NEURL1B: variants seen among roughly 807,000 people sequenced by gnomAD.
The protein encoded by NEURL1B is E3 ubiquitin-protein ligase NEURL1B.
Under a neutral mutation model 37.4 loss-of-function variants are expected in NEURL1B, and 13 were observed. That is an observed-to-expected ratio of 0.35 (90% confidence interval 0.23 to 0.55). The LOEUF is 0.55. NEURL1B is among the 20% of genes least tolerant of loss of function. NEURL1B has a pLI of 0.89. For synonymous variants in NEURL1B, 432 were observed against 426.6 expected (o/e 1.01, Z -0.16); for missense variants, 790 against 879.2 (o/e 0.90, Z 1.28).
Position 172,684,029 on chromosome 5 carries a change from G to A in NEURL1B, c.1188G>A (p.Leu396=). The change falls in exon 3 of 5, where the codon CTG becomes CTA. Residue 396 remains leucine, a synonymous_variant. Transcript: ENST00000369800. ...FTLRPGGDVL[L]GINGRPRGRL... is the part of the protein sequence containing the mutation. Reference sequence around the variant, plus strand: ...TGCGGCCCGGCGGCGACGTGCTCCTGGGCATCAACGGGCGTCCGCGCGGCC... The same window carrying A: ...TGCGGCCCGGCGGCGACGTGCTCCTAGGCATCAACGGGCGTCCGCGCGGCC... The A allele has an allele frequency of 7.5e-7, 1 of 1,337,252 alleles. No individual in the cohort carries two copies. The highest frequency in any genetic ancestry group is 3.5e-5 in the Admixed American group (1 of 28,474). The allele number at this position is 1,337,252 out of a possible 1,614,324, so 82.8% of individuals were successfully genotyped here.
intron 1 of NEURL1B, among the ~76,000 whole-genome samples, chr5:172,659,539 G>A (rs760757119): frequency 6.6e-6 from 1 of 152,188 alleles, no homozygotes; most frequent in East Asian, 1.9e-4. Flanking sequence ...TCTTACTCCT[G>A]CCACGCTGGG....
At chr5:172,678,768 A>G (rs988375748) in intron 2 of NEURL1B, among the ~76,000 whole-genome samples, 4 of 152,166 alleles carry the variant, frequency 2.6e-5, no homozygotes, top group African/African-American at 7.2e-5. Context: ...CCTCTAGTAC[A>G]TGGCCCGAGT....
chr5:172,650,149 T>G (rs1244651474), intron 1 of NEURL1B, among the ~76,000 whole-genome samples: 3 of 152,234 alleles, frequency 2.0e-5, no homozygotes, highest in Admixed American at 2.0e-4. Flanking sequence ...TTTTCTTTCC[T>G]TTTGCTACAA....
chr5:172,643,531 G>A (rs974725421), intron 1 of NEURL1B, among the ~76,000 whole-genome samples: 2 of 152,010 alleles, frequency 1.3e-5, no homozygotes, highest in Non-Finnish European at 2.9e-5. Context: ...CCTGCTCATC[G>A]TTGCAATGAC....
chr5:172,671,674 A>G (rs1758132087), intron 2 of NEURL1B, among the ~76,000 whole-genome samples: 1 of 152,374 alleles, frequency 6.6e-6, no homozygotes. Flanking sequence ...GTAGTAGCCC[A>G]TGAACTGGAT....
At chr5:172,666,835 C>T (rs1487414109) in intron 1 of NEURL1B, among the ~76,000 whole-genome samples, 1 of 152,102 alleles carries the variant, frequency 6.6e-6, no homozygotes, top group Non-Finnish European at 1.5e-5. Context: ...GGAGGCCTGG[C>T]CAGAAGAGCC....
intron 1 of NEURL1B, chr5:172,656,556 A>T: frequency 6.2e-7 from 1 of 1,611,120 alleles, no homozygotes; most frequent in East Asian, 2.2e-5. Flanking sequence ...ACCTATGGCC[A>T]AGAGCCCCTT....
chr5:172,663,829 T>TTTTTTTTTA (rs138220033), intron 1 of NEURL1B, among the ~76,000 whole-genome samples: 16 of 140,846 alleles, frequency 1.1e-4, no homozygotes, highest in South Asian at 4.7e-4. Flanking sequence ...GTTTTATTTG[T>TTTTTTTTTA]TTATTATTAT....
Position 172,686,550 on chromosome 5 carries a change from CT to C in NEURL1B, c.1424-130del. On this transcript the variant is annotated intron_variant, in intron 4 of 4. Coordinates refer to ENST00000369800, the MANE Select transcript of NEURL1B (RefSeq NM_001142651.3). This position sits in a 1 kb window ranked among gnomAD's most constrained non-coding sequence, Gnocchi z 7.9. The stretch of plus-strand genomic sequence containing the variant: ...AAAGGTGCAAAACCTGCAAGGTAAA[CT>C]CAAATTAGTATCTCCCAAAAGTATT... The C allele has an allele frequency of 8.8e-7, 1 of 1,138,248 alleles. No individual in the cohort carries two copies. Among genetic ancestry groups the C allele is most frequent in the Non-Finnish European group, 1.2e-6 (1 of 813,944 alleles). The allele number at this position is 1,138,248 out of a possible 1,614,324, so 70.5% of individuals were successfully genotyped here.
intron 1 of NEURL1B, among the ~76,000 whole-genome samples, chr5:172,655,654 G>C (rs1357311658): frequency 6.6e-6 from 1 of 151,880 alleles, no homozygotes; most frequent in Non-Finnish European, 1.5e-5. Flanking sequence ...CACGGCTGCT[G>C]CTTCCTTGGT....
chr5:172,680,558 G>T (rs180967142), intron 2 of NEURL1B, among the ~76,000 whole-genome samples: 12 of 152,328 alleles, frequency 7.9e-5, no homozygotes, highest in African/African-American at 2.9e-4. Flanking sequence ...TTCAAAAAAA[G>T]TGCTTGTTTT....
rs1758086949 is a variant in NEURL1B, at chr5:172,669,862, G to A, written c.109G>A (p.Glu37Lys). The A allele has an allele frequency of 7.2e-7, 1 of 1,393,040 alleles. No individual in the cohort carries two copies. The highest frequency in any genetic ancestry group is 9.3e-7 in the Non-Finnish European group (1 of 1,072,796). 86.3% of individuals were successfully genotyped at this position (1,393,040 alleles called of 1,614,324 possible). ...PGPERRPVLG[E>K]APRFHAQAKG... ...CCCCGAGCGACGCCCGGTCCTGGGC[G>A]AGGCGCCGCGCTTCCACGCGCAGGC... Residue 37 changes from glutamate (E) to lysine (K), a missense_variant, in exon 2 of 5, where the codon GAG becomes AAG. Glu to Lys is a moderately conservative substitution (Grantham distance 56). Transcript: ENST00000369800.
chr5:172,674,323 G>C (rs76597883), intron 2 of NEURL1B, among the ~76,000 whole-genome samples: 6,310 of 151,914 alleles, frequency 0.042, 441 homozygotes, highest in African/African-American at 0.14. Context: ...TTGCCTGGTG[G>C]AACTTTGAGC....
rs1757856887 is a variant in NEURL1B, at chr5:172,659,540, C to T, written c.32-10245C>T. ...AACCTGGACTGTTTTCTTACTCCTGCCACGCTGGGTCACTTTGACTGGCAT... is the reference window on the plus strand; with the variant it reads ...AACCTGGACTGTTTTCTTACTCCTGTCACGCTGGGTCACTTTGACTGGCAT... On this transcript the variant is annotated intron_variant, in intron 1 of 4. Coordinates refer to ENST00000369800, the MANE Select transcript of NEURL1B (RefSeq NM_001142651.3). 2.6e-5 allele frequency among the ~76,000 whole-genome samples: 4 copies of T among 152,300 alleles called. No homozygotes were observed. The South Asian group carries it at 8.3e-4, about 32-fold the overall frequency.
chr5:172,663,069 C>T (rs1417416543), intron 1 of NEURL1B, among the ~76,000 whole-genome samples: 1 of 94,012 alleles, frequency 1.1e-5, no homozygotes, highest in Non-Finnish European at 2.1e-5. Context: ...ATAATAATAG[C>T]CGGGTGTGGT....
chr5:172,654,569 CTAT>C (rs545220870), intron 1 of NEURL1B, among the ~76,000 whole-genome samples: 1 of 105,706 alleles, frequency 9.5e-6, no homozygotes, highest in Non-Finnish European at 1.8e-5. Context: ...TTGAGTTAAA[CTAT>C]TTTTTTTTTT....
chr5:172,660,450 G>A (rs1335220538), intron 1 of NEURL1B, among the ~76,000 whole-genome samples: 1 of 152,130 alleles, frequency 6.6e-6, no homozygotes, highest in Non-Finnish European at 1.5e-5. Flanking sequence ...AGCTGTTGAC[G>A]GGGTTTTGTT....
chr5:172,689,697 C>G lies in NEURL1B; in HGVS notation c.*2772C>G, dbSNP rs1263553007. The G allele has an allele frequency of 6.6e-6, 1 of 152,186 alleles. No individual in the cohort carries two copies. Among genetic ancestry groups the G allele is most frequent in the Non-Finnish European group, 1.5e-5 (1 of 68,034 alleles). The allele number at this position is 152,186 out of a possible 1,614,324, so 9.4% of individuals were successfully genotyped here. On this transcript the variant is annotated 3_prime_UTR_variant, in exon 5 of 5. Coordinates refer to ENST00000369800, the MANE Select transcript of NEURL1B (RefSeq NM_001142651.3). ...GTGTCTGCTGCCACATCCCACACTC[C>G]CACTGCCTGGCTCCAAGTCCCAGGA...
chr5:172,649,264 G>A (rs1419628659), intron 1 of NEURL1B, among the ~76,000 whole-genome samples: 4 of 150,142 alleles, frequency 2.7e-5, no homozygotes, highest in African/African-American at 9.8e-5. Flanking sequence ...AATTATCCAC[G>A]AAGACGCCTT....
Sources: allele counts gnomAD v4.1 joint callset (sites outside exome capture counted in the v4.1 genomes callset), GRCh38; gene constraint gnomAD v4.1.1; non-coding constraint Gnocchi (gnomAD v3.1); transcripts MANE v1.5; gene names NCBI Gene and HGNC (gene_info 2026-07-23, HGNC 2026-07-21).